Variants in GRXCR2 observed in about 807,000 individuals in gnomAD.
The protein encoded by GRXCR2 is glutaredoxin and cysteine rich domain containing 2, also known as glutaredoxin domain-containing cysteine-rich protein 2.
In GRXCR2, 23 loss-of-function variants were observed where a neutral mutation model predicts 24.8. The observed-to-expected ratio is 0.93, with a 90% CI of 0.67 to 1.32. GRXCR2 has a LOEUF of 1.32. GRXCR2 is among the 40% of genes most tolerant of loss of function. The pLI is 0.00. For synonymous variants in GRXCR2, 130 were observed against 116.1 expected (o/e 1.12, Z -0.77); for missense variants, 315 against 303.4 (o/e 1.04, Z -0.28).
At chr5:145,901,919 G>C (rs1216608222) in intron 2 of GRXCR2, among the ~76,000 whole-genome samples, 1 of 152,170 alleles carries the variant, frequency 6.6e-6, no homozygotes, top group Non-Finnish European at 1.5e-5. Context: ...GAGCTGTGGA[G>C]GTAATGAGAA....
At chr5:145,897,632 A>T (rs1231403779) in intron 2 of GRXCR2, among the ~76,000 whole-genome samples, 1 of 152,156 alleles carries the variant, frequency 6.6e-6, no homozygotes, top group Non-Finnish European at 1.5e-5. Context: ...CTCAGACCAC[A>T]GTGGAATAAA....
intron 2 of GRXCR2, among the ~76,000 whole-genome samples, chr5:145,907,046 C>T (rs538632601): frequency 1.1e-4 from 17 of 151,994 alleles, no homozygotes; most frequent in African/African-American, 3.4e-4. Flanking sequence ...CTGGAAGGTC[C>T]GTGGAGCAGC....
At chr5:145,899,397 G>GA (rs912783264) in intron 2 of GRXCR2, among the ~76,000 whole-genome samples, 8 of 151,830 alleles carry the variant, frequency 5.3e-5, no homozygotes, top group Non-Finnish European at 8.8e-5. Context: ...CACAGAATTG[G>GA]AAAAAAACTA....
chr5:145,858,004 G>A (rs144748575), downstream of GRXCR2, among the ~76,000 whole-genome samples: 432 of 152,202 alleles, frequency 2.8e-3, 2 homozygotes, highest in African/African-American at 9.5e-3. Context: ...TATTTGTGAC[G>A]GAATATTCCT....
At chr5:145,928,208 A>G (rs1474200825) in intron 2 of GRXCR2, among the ~76,000 whole-genome samples, 9 of 151,988 alleles carry the variant, frequency 5.9e-5, no homozygotes, top group African/African-American at 2.2e-4. Context: ...ATGAGATACC[A>G]TCTCACACCA....
chr5:145,911,362 G>A (rs575604586), intron 2 of GRXCR2, among the ~76,000 whole-genome samples: 47 of 152,212 alleles, frequency 3.1e-4, no homozygotes, highest in Admixed American at 1.6e-3. Context: ...GCTGAGCAAG[G>A]TTCCCAGGGC....
chr5:145,892,382 T>C (rs1235018189), intron 2 of GRXCR2, among the ~76,000 whole-genome samples: 1 of 151,940 alleles, frequency 6.6e-6, no homozygotes, highest in African/African-American at 2.4e-5. Context: ...TTAAAGACCT[T>C]GAAAAAAAAT....
intron 2 of GRXCR2, among the ~76,000 whole-genome samples, chr5:145,912,802 C>G (rs1433904679): frequency 2.0e-5 from 3 of 151,994 alleles, no homozygotes; most frequent in African/African-American, 7.2e-5. Context: ...GTAAAGTGAC[C>G]AGTCACTCAC....
intron 1 of GRXCR2, among the ~76,000 whole-genome samples, chr5:145,872,196 A>G (rs150441621): frequency 1.1e-3 from 174 of 152,356 alleles, no homozygotes; most frequent in African/African-American, 3.7e-3. Context: ...CAATAGGGGT[A>G]AAAAACAAGA....
At chr5:145,881,066 C>A (rs1269179416) in intron 2 of GRXCR2, among the ~76,000 whole-genome samples, 1 of 152,182 alleles carries the variant, frequency 6.6e-6, no homozygotes, top group Admixed American at 6.5e-5. Flanking sequence ...AACCCACAGC[C>A]AATATCATAC....
chr5:145,891,624 A>T (rs1756865710), intron 2 of GRXCR2, among the ~76,000 whole-genome samples: 1 of 152,166 alleles, frequency 6.6e-6, no homozygotes, highest in African/African-American at 2.4e-5. Flanking sequence ...GTAGGTAAAC[A>T]AAGCGGCCAG....
At chr5:145,875,103 C>A (rs1368587416), upstream of GRXCR2, among the ~76,000 whole-genome samples, 2 of 152,222 alleles carry the variant, frequency 1.3e-5, no homozygotes, top group Non-Finnish European at 2.9e-5. Context: ...ATCTTGCAGT[C>A]AGAAGTTGTC....
intron 2 of GRXCR2, among the ~76,000 whole-genome samples, chr5:145,878,124 C>T (rs1216185294): frequency 6.6e-6 from 1 of 152,088 alleles, no homozygotes; most frequent in Non-Finnish European, 1.5e-5. Context: ...TTCTAAAAAC[C>T]ACAGTGCTCT....
Position 145,898,391 on chromosome 5 carries a change from T to C in GRXCR2, c.-69-31663A>G, listed in dbSNP as rs1306814626. On this transcript the variant is annotated intron_variant, in intron 2 of 3. Coordinates refer to the GRXCR2 transcript ENST00000639411. ...AAAGCTGGCACCACATCAATTCTAC[T>C]GAAACTATTTCAAAACATCAAGTAG... Among the ~76,000 whole-genome samples the C allele has an allele frequency of 3.3e-5, 5 of 151,976 alleles. No individual in the cohort carries two copies. The South Asian group carries it at 1.0e-3, about 31-fold the overall frequency.
At chr5:145,897,732 C>G (rs756282453) in intron 2 of GRXCR2, among the ~76,000 whole-genome samples, 130 of 151,986 alleles carry the variant, frequency 8.6e-4, no homozygotes, top group Admixed American at 3.0e-3. Flanking sequence ...TGGTAAGCAA[C>G]AAAATCAAGG....
chr5:145,916,087 G>A (rs1395446799), intron 2 of GRXCR2, among the ~76,000 whole-genome samples: 3 of 152,188 alleles, frequency 2.0e-5, no homozygotes, highest in Non-Finnish European at 4.4e-5. Flanking sequence ...AGCTGTGCAT[G>A]GTTGTGTGGG....
intron 2 of GRXCR2, among the ~76,000 whole-genome samples, chr5:145,931,509 C>A (rs180905151): frequency 6.6e-6 from 1 of 152,290 alleles, no homozygotes; most frequent in Admixed American, 6.5e-5. Context: ...TGCAAACATA[C>A]CCTCAATTGG....
At chr5:145,883,711 G>A (rs925610746) in intron 2 of GRXCR2, among the ~76,000 whole-genome samples, 3 of 152,082 alleles carry the variant, frequency 2.0e-5, no homozygotes, top group African/African-American at 7.2e-5. Flanking sequence ...TGGGCAAGTT[G>A]GTAAAACCCC....
chr5:145,928,423 A>G (rs899480677), intron 2 of GRXCR2, among the ~76,000 whole-genome samples: 5 of 152,136 alleles, frequency 3.3e-5, no homozygotes, highest in African/African-American at 9.7e-5. Context: ...AAAGGATTAT[A>G]AATCATGCTG....
Sources: gnomAD v4.1 joint callset for allele counts (sites outside exome capture counted in the v4.1 genomes callset) on GRCh38, gnomAD v4.1.1 for gene constraint, MANE v1.5 for transcripts, NCBI Gene and HGNC (gene_info 2026-07-23, HGNC 2026-07-21) for gene names.